Variants in SUSD3 observed in about 807,000 individuals in gnomAD.
The protein encoded by SUSD3 is sushi domain-containing protein 3.
Under a neutral mutation model 20.6 loss-of-function variants are expected in SUSD3, and 18 were observed. The observed-to-expected ratio is 0.87, with a 90% confidence interval of 0.60 to 1.30. The LOEUF is 1.30. Among genes scored for constraint, SUSD3 ranks in the 50% most tolerant of loss-of-function variants. The probability of loss-of-function intolerance (pLI) is 0.00; values close to 1 mark genes in which losing one functional copy is unlikely to be tolerated. For missense variants in SUSD3, 306 were observed against 346.9 expected, an observed-to-expected ratio of 0.88 and a Z score of 0.94; for synonymous variants, 137 against 141.5, an observed-to-expected ratio of 0.97 and a Z score of 0.23.
At chr9:93,067,683 C>T (rs1313341619) in intron 1 of SUSD3, among the ~76,000 whole-genome samples, 6 of 152,026 alleles carry the variant, frequency 3.9e-5, no homozygotes, top group South Asian at 2.1e-4. Context: ...CTGCAACCTC[C>T]GCCTCCCAGG....
At position 93,084,731 on chromosome 9, in the gene SUSD3, C is replaced by T. The variant is rs1434347375; in HGVS notation, c.752C>T (p.Ala251Val). The change falls in exon 5 of 5, where the codon GCA becomes GTA. Residue 251 changes from alanine to valine, a missense_variant. Physicochemically the swap from Ala to Val is moderately conservative, Grantham distance 64. Transcript: ENST00000375472. ...ACAGGAATGCCACAACAGCCCGCAG[C>T]ATATGCCCTAGGGTGACCACGCAGT... ...LATGMPQQPAAYALG is the reference protein window; with the variant it reads ...LATGMPQQPAVYALG 5 of 1,580,942 alleles carry T rather than the reference C, an allele frequency of 3.2e-6. No individual in the cohort carries two copies. The highest frequency in any genetic ancestry group is 4.3e-6 in the Non-Finnish European group (5 of 1,163,392).
chr9:93,065,402 G>A (rs374918729), intron 1 of SUSD3, among the ~76,000 whole-genome samples: 21 of 152,176 alleles, frequency 1.4e-4, no homozygotes, highest in Non-Finnish European at 1.8e-4. Flanking sequence ...TCAACCAGGC[G>A]CTGTTGTGGG....
intron 4 of SUSD3, among the ~76,000 whole-genome samples, chr9:93,080,317 T>TC (rs1826357689): frequency 1.9e-5 from 1 of 53,284 alleles, no homozygotes; most frequent in Admixed American, 2.5e-4. Flanking sequence ...AGACTCCGTC[T>TC]CAAAAAAAAA....
chr9:93,075,752 C>T (rs577217457), intron 1 of SUSD3, 32 bp from the exon 2 acceptor site: 10 of 284,490 alleles, frequency 3.5e-5, no homozygotes, highest in African/African-American at 5.3e-5. Context: ...CCCCCCCCCC[C>T]CGCCATGCCT....
Position 93,077,953 on chromosome 9 carries a change from C to T in SUSD3, c.385C>T (p.Leu129Phe). The stretch of plus-strand genomic sequence containing the variant: ...CATGGCCTTCCTCACCTGCTGCCTC[C>T]TCAAGTGCGTGAAGAAGAGCAAGCG... ...MSMAFLTCCL[L>F]KCVKKSKRRR... Residue 129 changes from leucine (L) to phenylalanine (F), a missense_variant, in exon 3 of 5, where the codon CTC (leucine) becomes TTC (phenylalanine). By Grantham distance (22) the Leu-to-Phe change is conservative (BLOSUM62 0). Transcript: ENST00000375472. 1 of 1,614,244 alleles carries T rather than the reference C, an allele frequency of 6.2e-7. No individual in the cohort carries two copies. The highest frequency in any genetic ancestry group is 8.5e-7 in the Non-Finnish European group (1 of 1,180,040).
At chr9:93,072,547 C>T (rs1219553890) in intron 1 of SUSD3, among the ~76,000 whole-genome samples, 1 of 152,204 alleles carries the variant, frequency 6.6e-6, no homozygotes, top group East Asian at 1.9e-4. Flanking sequence ...CCGTGGCACA[C>T]ATGGCTGGGG....
intron 1 of SUSD3, among the ~76,000 whole-genome samples, chr9:93,070,759 G>C (rs777084809): frequency 6.6e-6 from 1 of 152,236 alleles, no homozygotes; most frequent in Non-Finnish European, 1.5e-5. Flanking sequence ...GCCCCCAAAT[G>C]TGTGTGGTGG....
chr9:93,075,985 C>G lies in SUSD3; in HGVS notation c.277+13C>G, dbSNP rs200817329. On this transcript the variant is annotated intron_variant, in intron 2 of 4. Coordinates refer to ENST00000375472, the MANE Select transcript of SUSD3 (RefSeq NM_145006.4). ...CCAGTGTGCAAACGTAAGGACCCCT[C>G]TCTCAGCTCGGTGGCTCTGGGGGTG... is the stretch of plus-strand genomic sequence containing the variant. The G allele has an allele frequency of 1.9e-6, 3 of 1,572,782 alleles. No homozygotes were observed. The highest frequency in any genetic ancestry group is 4.5e-5 in the East Asian group (2 of 44,188).
chr9:93,059,731 C>G (rs1825435822), intron 1 of SUSD3, among the ~76,000 whole-genome samples: 1 of 152,130 alleles, frequency 6.6e-6, no homozygotes, highest in Admixed American at 6.5e-5. Context: ...ACACTGTCAG[C>G]CTGCAGCCCC....
At chr9:93,061,886 C>T (rs2118899865) in intron 1 of SUSD3, among the ~76,000 whole-genome samples, 1 of 152,324 alleles carries the variant, frequency 6.6e-6, no homozygotes, top group Admixed American at 6.5e-5. Flanking sequence ...CAGCCTGCCT[C>T]TGTCACTCTC....
At position 93,079,452 on chromosome 9, in the gene SUSD3, C is replaced by G. The variant is rs746531351; in HGVS notation, c.426-19C>G. 1.2e-6 allele frequency: 2 copies of G among 1,613,062 alleles called. No individual in the cohort carries two copies. The highest frequency in any genetic ancestry group is 3.3e-5 in the Admixed American group (2 of 59,968). On this transcript the variant is annotated intron_variant, in intron 3 of 4. Coordinates refer to ENST00000375472, the MANE Select transcript of SUSD3 (RefSeq NM_145006.4). ...TACACCTGCATGCTCAGAGTCCTTCCTCCCAAACTCTCCTCCAGGTCAGCC... is the reference window on the plus strand; with the variant it reads ...TACACCTGCATGCTCAGAGTCCTTCGTCCCAAACTCTCCTCCAGGTCAGCC...
chr9:93,079,321 C>A, intron 3 of SUSD3, 150 bp from the exon 4 acceptor site: 1 of 810,178 alleles, frequency 1.2e-6, no homozygotes, highest in African/African-American at 1.7e-5. Context: ...TCTCACCACA[C>A]CAAAAACATC....
At chr9:93,078,960 C>T (rs956655688) in intron 3 of SUSD3, among the ~76,000 whole-genome samples, 3 of 152,012 alleles carry the variant, frequency 2.0e-5, no homozygotes, top group African/African-American at 7.2e-5. Context: ...CCACCATGCT[C>T]AGCTAATTTT....
At chr9:93,075,740 A>ACCCC (rs748856301) in intron 1 of SUSD3, 44 bp from the exon 2 acceptor site, 9 of 147,314 alleles carry the variant, frequency 6.1e-5, no homozygotes, top group African/African-American at 2.7e-4. Flanking sequence ...CTGCGTGCCC[A>ACCCC]CCCCCCCCCC....
At chr9:93,069,204 G>T (rs1407859211) in intron 1 of SUSD3, 5 of 694,422 alleles carry the variant, frequency 7.2e-6, no homozygotes, top group Non-Finnish European at 1.1e-5. Context: ...CACCCATCCC[G>T]CTCCACCCCG....
Position 93,084,658 on chromosome 9 carries a change from G to A in SUSD3, c.679G>A (p.Val227Met), listed in dbSNP as rs1297065327. 1.2e-6 allele frequency: 2 copies of A among 1,608,664 alleles called. No individual in the cohort carries two copies. The highest frequency in any genetic ancestry group is 1.7e-6 in the Non-Finnish European group (2 of 1,177,556). The change falls in exon 5 of 5, where the codon GTG becomes ATG. Residue 227 changes from valine (V) to methionine (M), a missense_variant. Physicochemically the swap from Val to Met is conservative, Grantham distance 21. Coordinates refer to ENST00000375472, the MANE Select transcript of SUSD3 (RefSeq NM_145006.4). ...CAGCTCACCCCAAGCCCAGGTGATG[G>A]TGCACATGGCAAACCCCAGACAGCC... is the stretch of plus-strand genomic sequence containing the variant. ...SSSSPQAQVM[V>M]HMANPRQPLP...
chr9:93,069,641 G>T (rs962867998), intron 1 of SUSD3, among the ~76,000 whole-genome samples: 1 of 152,062 alleles, frequency 6.6e-6, no homozygotes, highest in African/African-American at 2.4e-5. Flanking sequence ...GAAATACATT[G>T]ACTTCTGTAT....
intron 4 of SUSD3, among the ~76,000 whole-genome samples, chr9:93,082,310 CTTTTTTTTTTTTTTT>C (rs561486543): frequency 1.1e-5 from 1 of 87,228 alleles, no homozygotes; most frequent in Non-Finnish European, 2.0e-5. Context: ...GGCCTCTTTC[CTTTTTTTTTTTTTTT>C]TTTTTTTTTT....
intron 1 of SUSD3, among the ~76,000 whole-genome samples, chr9:93,068,141 T>C (rs550332502): frequency 6.6e-6 from 1 of 152,360 alleles, no homozygotes; most frequent in East Asian, 1.9e-4. Flanking sequence ...GCAAGTATTT[T>C]CTCCCTATTG....
Sources: gnomAD v4.1 joint callset for allele counts (sites outside exome capture counted in the v4.1 genomes callset) on GRCh38, gnomAD v4.1.1 for gene constraint, MANE v1.5 for transcripts, NCBI Gene and HGNC (gene_info 2026-07-23, HGNC 2026-07-21) for gene names.